The following KHDRBS2 variants were observed in gnomAD, a reference collection of about 807,000 sequenced individuals.
KHDRBS2 encodes KH RNA binding domain containing, signal transduction associated 2, also known as KH domain-containing, RNA-binding, signal transduction-associated protein 2.
In KHDRBS2, 26 loss-of-function variants were observed where a neutral mutation model predicts 44.3. The observed-to-expected ratio is 0.59, with a 90% CI of 0.43 to 0.81. The LOEUF is 0.81. Ranked by LOEUF, KHDRBS2 falls within the 40% of genes least tolerant of loss-of-function variation. The pLI, the probability that KHDRBS2 is intolerant of heterozygous loss-of-function variation, is 0.00. For synonymous variants in KHDRBS2, 194 were observed against 151.1 expected, an observed-to-expected ratio of 1.28 and a Z score of -2.08; for missense variants, 476 against 433.1, an observed-to-expected ratio of 1.10 and a Z score of -0.88.
chr6:61,574,715 G>A, the KHDRBS2 span, among the ~76,000 whole-genome samples: 1 of 152,154 alleles, frequency 6.6e-6, no homozygotes, highest in African/African-American at 2.4e-5. Context: ...GACCAGCCTG[G>A]CCAACATGGT....
the KHDRBS2 span, among the ~76,000 whole-genome samples, chr6:61,549,056 A>C: frequency 6.6e-6 from 1 of 152,198 alleles, no homozygotes; most frequent in Non-Finnish European, 1.5e-5. Flanking sequence ...TTCTGAAAGA[A>C]AAGAAATGTA....
intron 2 of KHDRBS2, among the ~76,000 whole-genome samples, chr6:62,143,888 T>C (rs1241996307): frequency 1.3e-5 from 2 of 151,882 alleles, no homozygotes; most frequent in African/African-American, 4.8e-5. Context: ...CTTGTATTTA[T>C]CCTTTTGAAA....
chr6:61,905,218 A>G (rs1804742780), intron 4 of KHDRBS2, among the ~76,000 whole-genome samples: 1 of 152,202 alleles, frequency 6.6e-6, no homozygotes, highest in Non-Finnish European at 1.5e-5. Context: ...TTTGAGCCAG[A>G]GATTGGAACA....
intron 4 of KHDRBS2, among the ~76,000 whole-genome samples, chr6:61,905,020 A>G (rs541269718): frequency 6.6e-6 from 1 of 152,322 alleles, no homozygotes; most frequent in South Asian, 2.1e-4. Flanking sequence ...ATTAAATTGG[A>G]CTGCTTGTTA....
At chr6:61,558,098 GTGT>G in the KHDRBS2 span, among the ~76,000 whole-genome samples, 2 of 151,556 alleles carry the variant, frequency 1.3e-5, no homozygotes, top group African/African-American at 4.9e-5. Flanking sequence ...TTGACCTTTT[GTGT>G]TGTTTCCTTT....
intron 1 of KHDRBS2, among the ~76,000 whole-genome samples, chr6:62,272,881 G>A (rs1840306972): frequency 6.6e-6 from 1 of 152,120 alleles, no homozygotes. Flanking sequence ...GATGAAGAAT[G>A]GAGATATAGA....
At chr6:61,975,653 GCACACACA>G (rs567222441) in intron 4 of KHDRBS2, among the ~76,000 whole-genome samples, 1 of 88,320 alleles carries the variant, frequency 1.1e-5, no homozygotes, top group African/African-American at 3.2e-5. Flanking sequence ...TAAGCAAGAT[GCACACACA>G]CACACACACA....
chr6:62,208,299 A>C (rs1383293418), intron 1 of KHDRBS2, among the ~76,000 whole-genome samples: 1 of 152,152 alleles, frequency 6.6e-6, no homozygotes, highest in Non-Finnish European at 1.5e-5. Context: ...GCACAATCAT[A>C]GTGCGCTACA....
intron 4 of KHDRBS2, among the ~76,000 whole-genome samples, chr6:61,950,383 T>C (rs12528096): frequency 7.6e-4 from 115 of 152,134 alleles, no homozygotes; most frequent in East Asian, 4.3e-3. Flanking sequence ...TCAATTAAGA[T>C]AGTAGAATGT....
chr6:62,272,098 C>T (rs1314267365), intron 1 of KHDRBS2, among the ~76,000 whole-genome samples: 1 of 152,080 alleles, frequency 6.6e-6, no homozygotes, highest in African/African-American at 2.4e-5. Context: ...ATTTACTGTA[C>T]TTTTTCTATG....
At chr6:61,782,700 T>G (rs1783145841) in intron 6 of KHDRBS2, among the ~76,000 whole-genome samples, 1 of 38,170 alleles carries the variant, frequency 2.6e-5, no homozygotes, top group Non-Finnish European at 4.3e-5. Flanking sequence ...TATATATATA[T>G]ATATATATAT....
At chr6:61,791,596 T>G (rs1784650241) in intron 6 of KHDRBS2, among the ~76,000 whole-genome samples, 1 of 151,526 alleles carries the variant, frequency 6.6e-6, no homozygotes, top group South Asian at 2.1e-4. Flanking sequence ...TAGAGTCTTT[T>G]CATGATAAAT....
chr6:62,169,034 CATATATAT>C (rs369570219), intron 2 of KHDRBS2, among the ~76,000 whole-genome samples: 26 of 72,588 alleles, frequency 3.6e-4, no homozygotes, highest in Admixed American at 1.7e-3. Flanking sequence ...GTTCTCCAGT[CATATATAT>C]ATATATATAT....
chr6:61,868,851 G>A (rs1467663479), intron 6 of KHDRBS2, among the ~76,000 whole-genome samples: 1 of 152,130 alleles, frequency 6.6e-6, no homozygotes, highest in East Asian at 1.9e-4. Flanking sequence ...AGTTGCAGTC[G>A]CCTTTTCCGG....
chr6:61,637,539 GTATA>G, the KHDRBS2 span, among the ~76,000 whole-genome samples: 53 of 152,218 alleles, frequency 3.5e-4, no homozygotes, highest in Non-Finnish European at 6.2e-4. Context: ...AGTCCTTTGG[GTATA>G]TACCCAGTAA....
intron 1 of KHDRBS2, among the ~76,000 whole-genome samples, chr6:62,183,635 T>A (rs1822816634): frequency 6.6e-6 from 1 of 151,672 alleles, no homozygotes; most frequent in Non-Finnish European, 1.5e-5. Context: ...TCAAAAATAA[T>A]CTTTTGACAC....
intron 2 of KHDRBS2, among the ~76,000 whole-genome samples, chr6:62,088,743 G>A (rs1388528601): frequency 1.3e-5 from 2 of 152,156 alleles, no homozygotes; most frequent in South Asian, 2.1e-4. Context: ...AGCAGAGCTC[G>A]AGTGCTGTGC....
chr6:62,168,500 C>A lies in KHDRBS2; in HGVS notation c.219+8685G>T, dbSNP rs551154632. Among the ~76,000 whole-genome samples the A allele has an allele frequency of 2.8e-4, 43 of 152,106 alleles. 1 individual carries two copies. Among genetic ancestry groups the A allele is most frequent in the Non-Finnish European group, 3.1e-4 (21 of 68,022 alleles). On this transcript the variant is annotated intron_variant, in intron 2 of 8. Coordinates refer to ENST00000281156, the MANE Select transcript of KHDRBS2 (RefSeq NM_152688.4). ...CTAATGGTCTCTCGGTTTACCCAGA[C>A]ATGTGCCAAGCATTCCTTTTGCATG...
chr6:61,748,613 A>G (rs1038591810), intron 6 of KHDRBS2, among the ~76,000 whole-genome samples: 14 of 152,372 alleles, frequency 9.2e-5, no homozygotes, highest in African/African-American at 3.1e-4. Context: ...TATCAAATGT[A>G]ACTTATATGG....
Sources: gnomAD v4.1 joint callset for allele counts (sites outside exome capture counted in the v4.1 genomes callset) on GRCh38, gnomAD v4.1.1 for gene constraint, MANE v1.5 for transcripts, NCBI Gene and HGNC (gene_info 2026-07-23, HGNC 2026-07-21) for gene names.